The following SLC22A15 variants were observed in gnomAD, a reference collection of about 807,000 sequenced individuals.
The protein encoded by SLC22A15 is flipt 1.
Under a neutral mutation model 62.7 loss-of-function variants are expected in SLC22A15, and 45 were observed. That is an observed-to-expected ratio of 0.72 (90% CI 0.56 to 0.92). SLC22A15 has a LOEUF of 0.92. SLC22A15 is among the 40% of genes least tolerant of loss of function. The pLI is 0.00. For missense variants in SLC22A15, 622 were observed against 665.6 expected (o/e 0.93, Z 0.72); for synonymous variants, 264 against 267.0 (o/e 0.99, Z 0.11).
At chr1:115,983,171 G>T (rs113183153) in intron 1 of SLC22A15, among the ~76,000 whole-genome samples, 3 of 152,314 alleles carry the variant, frequency 2.0e-5, no homozygotes, top group African/African-American at 4.8e-5. Flanking sequence ...TAGCATGAAA[G>T]AATTAGAGGA....
At chr1:116,046,674 G>A (rs1471437176) in intron 8 of SLC22A15, among the ~76,000 whole-genome samples, 2 of 152,184 alleles carry the variant, frequency 1.3e-5, no homozygotes, top group African/African-American at 4.8e-5. Context: ...CAGTCCCTCT[G>A]AAGGAAGCTG....
intron 4 of SLC22A15, among the ~76,000 whole-genome samples, chr1:116,025,291 G>T (rs911434471): frequency 1.4e-4 from 22 of 152,290 alleles, no homozygotes; most frequent in Middle Eastern, 3.4e-3. Flanking sequence ...TAGACAAGAA[G>T]TCTTATTCTT....
At chr1:116,057,781 A>G (rs2101556364) in intron 8 of SLC22A15, among the ~76,000 whole-genome samples, 1 of 152,298 alleles carries the variant, frequency 6.6e-6, no homozygotes, top group African/African-American at 2.4e-5. Flanking sequence ...ATTGGAAATC[A>G]TCATTCTCAG....
rs1170090703 is a variant in SLC22A15, at chr1:116,020,814, A to T, written c.527A>T (p.Asn176Ile). Residue 176 changes from asparagine (N) to isoleucine (I), a missense_variant, in exon 4 of 12, where the codon AAT (asparagine) becomes ATT (isoleucine). Physicochemically the swap from Asn to Ile is moderately radical, Grantham distance 149 (BLOSUM62 -3). Coordinates refer to ENST00000369503, the MANE Select transcript of SLC22A15 (RefSeq NM_018420.3). ...AVTRFLVGMM[N>I]GGMSLVAFVL... The stretch of plus-strand genomic sequence containing the variant: ...ACTCGCTTCCTGGTGGGCATGATGA[A>T]TGGAGGGATGTCGCTGGTGGCCTTT... 1.2e-6 allele frequency: 2 copies of T among 1,613,770 alleles called. No individual in the cohort carries two copies. The highest frequency in any genetic ancestry group is 1.7e-6 in the Non-Finnish European group (2 of 1,179,774).
intron 6 of SLC22A15, 153 bp downstream of exon 6, chr1:116,031,734 C>T: frequency 1.4e-6 from 2 of 1,443,906 alleles, no homozygotes; most frequent in South Asian, 1.5e-5. Context: ...TCCTTAGCGC[C>T]TGGTTTTCTG....
intron 4 of SLC22A15, among the ~76,000 whole-genome samples, chr1:116,025,717 C>T (rs548929923): frequency 7.0e-4 from 107 of 152,266 alleles, no homozygotes; most frequent in Admixed American, 1.8e-3. Context: ...TTCATTTAAC[C>T]GCTCTGAGCT....
intron 1 of SLC22A15, among the ~76,000 whole-genome samples, chr1:115,981,157 C>T (rs550331051): frequency 6.6e-6 from 1 of 152,298 alleles, no homozygotes; most frequent in Admixed American, 6.5e-5. Flanking sequence ...TTCTTCTAAC[C>T]TCCCTGGCAT....
intron 4 of SLC22A15, among the ~76,000 whole-genome samples, chr1:116,024,278 T>C (rs528390940): frequency 6.6e-5 from 10 of 152,092 alleles, no homozygotes; most frequent in Admixed American, 1.3e-4. Context: ...GAGAGCAAAA[T>C]AACTCAAGGA....
At chr1:116,027,196 C>T in intron 5 of SLC22A15, 174 bp downstream of exon 5, 1 of 675,956 alleles carries the variant, frequency 1.5e-6, no homozygotes, top group South Asian at 1.6e-5. Flanking sequence ...AAGAGAGATG[C>T]TTAATTAATT....
intron 8 of SLC22A15, among the ~76,000 whole-genome samples, chr1:116,039,078 C>T (rs2101483779): frequency 6.6e-6 from 1 of 152,340 alleles, no homozygotes; most frequent in South Asian, 2.1e-4. Context: ...TATTTAATTA[C>T]AATCTGTTTT....
intron 6 of SLC22A15, among the ~76,000 whole-genome samples, chr1:116,032,996 A>G (rs937171170): frequency 1.4e-4 from 22 of 152,240 alleles, no homozygotes; most frequent in African/African-American, 5.3e-4. Flanking sequence ...ACTTAGGGCC[A>G]GGGAAACTGT....
intron 2 of SLC22A15, among the ~76,000 whole-genome samples, chr1:116,013,298 C>T (rs746745282): frequency 3.3e-5 from 5 of 152,126 alleles, no homozygotes; most frequent in Admixed American, 6.5e-5. Context: ...TCTTCCTTCC[C>T]GCTCCTTTTT....
At chr1:116,052,525 A>G (rs970469076) in intron 8 of SLC22A15, among the ~76,000 whole-genome samples, 1 of 152,054 alleles carries the variant, frequency 6.6e-6, no homozygotes, top group Non-Finnish European at 1.5e-5. Flanking sequence ...TGTCCCTGTC[A>G]TTTTGAAGAG....
chr1:115,986,704 C>T (rs1185901979), intron 1 of SLC22A15, among the ~76,000 whole-genome samples: 1 of 152,184 alleles, frequency 6.6e-6, no homozygotes, highest in African/African-American at 2.4e-5. Flanking sequence ...CTTACCCCCA[C>T]CCCAGACTTA....
At chr1:116,046,983 C>T (rs766244315) in intron 8 of SLC22A15, among the ~76,000 whole-genome samples, 4 of 152,136 alleles carry the variant, frequency 2.6e-5, no homozygotes, top group Non-Finnish European at 5.9e-5. Flanking sequence ...CTTCCCTCCC[C>T]ACCCTGGTAG....
intron 5 of SLC22A15, among the ~76,000 whole-genome samples, chr1:116,028,423 TG>T (rs1458862928): frequency 2.0e-5 from 3 of 151,808 alleles, no homozygotes; most frequent in African/African-American, 7.3e-5. Flanking sequence ...TCTTTTAAAA[TG>T]TTTCGTAAAT....
rs1194926229 is a variant in SLC22A15 at position 115,976,627 on chromosome 1, C to T, written c.-1C>T. On this transcript the variant is annotated 5_prime_UTR_variant, in exon 1 of 12. Transcript: ENST00000369503. ...GGCGGGGTTCCTGCGCGCGGCCCGC[C>T]ATGGAGGTGGAGGAGGCGTTCCAGG... The T allele has an allele frequency of 1.9e-6, 3 of 1,575,380 alleles. No individual in the cohort carries two copies. The African/African-American group carries it at 4.2e-5, about 22-fold the overall frequency.
chr1:115,991,977 C>G (rs1557873527), intron 1 of SLC22A15, 54 bp from the exon 2 acceptor site: 1 of 1,514,108 alleles, frequency 6.6e-7, no homozygotes, highest in Non-Finnish European at 9.1e-7. Context: ...TAAGTGTCTT[C>G]AACATTGATG....
At chr1:116,039,538 TA>T (rs899747113) in intron 8 of SLC22A15, among the ~76,000 whole-genome samples, 8 of 150,754 alleles carry the variant, frequency 5.3e-5, no homozygotes, top group Non-Finnish European at 1.0e-4. Flanking sequence ...TGTCTCAATT[TA>T]AAAAAAAAGA....
Sources: allele counts gnomAD v4.1 joint callset (sites outside exome capture counted in the v4.1 genomes callset), GRCh38; gene constraint gnomAD v4.1.1; transcripts MANE v1.5; gene names NCBI Gene and HGNC (gene_info 2026-07-23, HGNC 2026-07-21).